The following COG8 variants were observed in gnomAD, a reference collection of about 807,000 sequenced individuals.
COG8 encodes the protein component of oligomeric golgi complex 8, also known as conserved oligomeric Golgi complex subunit 8.
In COG8, 45 loss-of-function variants were observed where a neutral mutation model predicts 46.5. That is an observed-to-expected ratio of 0.97 (90% CI 0.76 to 1.24). The LOEUF is 1.24. Ranked by LOEUF, COG8 falls within the 50% of genes most tolerant of loss-of-function variation. COG8 has a pLI of 0.00. For missense variants in COG8, 793 were observed against 820.8 expected, an observed-to-expected ratio of 0.97 and a Z score of 0.41; for synonymous variants, 407 against 347.8, an observed-to-expected ratio of 1.17 and a Z score of -1.90.
At position 69,334,895 on chromosome 16, in the gene COG8, C is replaced by G. The variant is rs752942688; in HGVS notation, c.1039G>C (p.Gly347Arg). The G allele has an allele frequency of 6.2e-7, 1 of 1,614,184 alleles. No individual in the cohort carries two copies. Among genetic ancestry groups the G allele is most frequent in the Non-Finnish European group, 8.5e-7 (1 of 1,180,046 alleles). Reference protein sequence around the residue: ...GIGGHLDSLLGQCMYFGLSFS... With the variant: ...GIGGHLDSLLRQCMYFGLSFS... ...GACAGCCCAAAGTACATGCACTGGC[C>G]CAGCAGAGAGTCCAGGTGGCCGCCT... Residue 347 changes from glycine to arginine, a missense_variant, in exon 3 of 6, where the codon GGC (glycine) becomes CGC (arginine). Gly to Arg is a moderately radical substitution (Grantham distance 125). Transcript: ENST00000306875.
At chr16:69,329,972 C>T (rs2011646218) in intron 5 of COG8, 1 of 1,510,650 alleles carries the variant, frequency 6.6e-7, no homozygotes, top group African/African-American at 1.4e-5. Flanking sequence ...GCTGCTCCAG[C>T]AGCCCCGGTC....
chr16:69,336,259 A>G (rs1248837524), intron 2 of COG8, among the ~76,000 whole-genome samples: 3 of 152,144 alleles, frequency 2.0e-5, no homozygotes, highest in Non-Finnish European at 2.9e-5. Context: ...CAGACTTCCC[A>G]TTAGCACGTA....
At chr16:69,331,793 G>A (rs1316862732) in intron 4 of COG8, among the ~76,000 whole-genome samples, 1 of 152,050 alleles carries the variant, frequency 6.6e-6, no homozygotes. Context: ...GAGCCACTGC[G>A]CCCAGCCATC....
chr16:69,330,013 C>G, intron 5 of COG8: 1 of 1,539,970 alleles, frequency 6.5e-7, no homozygotes, highest in African/African-American at 1.4e-5. Context: ...TCTGCACCGC[C>G]TGGAAGCGGG....
At position 69,326,542 on chromosome 16, in the gene COG8, T is replaced by C. The variant is rs1338027248; in HGVS notation, c.*2664A>G. 6.6e-6 allele frequency: 1 copy of C among 152,260 alleles called. No homozygotes were observed. The highest frequency in any genetic ancestry group is 1.5e-5 in the Non-Finnish European group (1 of 68,044). 9.4% of individuals were successfully genotyped at this position (152,260 alleles called of 1,614,324 possible). ...ACAAGTCCTAGGGGTTAACAAAGGT[T>C]AGCATGGCTATGGTCCATCCCTGTG... On this transcript the variant is annotated 3_prime_UTR_variant, in exon 6 of 6. Transcript: ENST00000306875.
intron 5 of COG8, chr16:69,330,232 C>A (rs1337454306): frequency 3.4e-6 from 5 of 1,449,930 alleles, no homozygotes; most frequent in African/African-American, 3.0e-5. Flanking sequence ...CCAGCTGCGG[C>A]GCGCTTAGGC....
chr16:69,329,118 G>C lies in COG8; in HGVS notation c.*88C>G. The C allele has an allele frequency of 6.2e-7, 1 of 1,610,490 alleles. No homozygotes were observed. Among genetic ancestry groups the C allele is most frequent in the Non-Finnish European group, 8.5e-7 (1 of 1,179,362 alleles). ...CCTGCAGGTGGTCCATCTCGTGCTGGATGATGCGGGCTGCCCACCCGCTCG... is the reference window on the plus strand; with the variant it reads ...CCTGCAGGTGGTCCATCTCGTGCTGCATGATGCGGGCTGCCCACCCGCTCG... On this transcript the variant is annotated 3_prime_UTR_variant, in exon 6 of 6. Transcript: ENST00000306875.
chr16:69,330,829 G>A lies in COG8; in HGVS notation c.*10C>T. ...CTCACGCACCGCGTTCTGGAGGCAG[G>A]GGACGCCGGCTAGGGCCCCACGCTG... On this transcript the variant is annotated 3_prime_UTR_variant, in exon 5 of 6. Transcript: ENST00000306875. The A allele has an allele frequency of 3.9e-6, 6 of 1,533,286 alleles. No individual in the cohort carries two copies. The highest frequency in any genetic ancestry group is 4.4e-6 in the Non-Finnish European group (5 of 1,143,992). The allele number at this position is 1,533,286 out of a possible 1,614,324, so 95.0% of individuals were successfully genotyped here.
At position 69,330,846 on chromosome 16, in the gene COG8, C is replaced by A. The variant is rs1043920616; in HGVS notation, c.1832G>T (p.Gly611Val). The A allele has an allele frequency of 8.4e-6, 13 of 1,538,888 alleles. No homozygotes were observed. The African/African-American group carries it at 1.6e-4, about 19-fold the overall frequency. ...GGAGGCAGGGGACGCCGGCTAGGGC[C>A]CCACGCTGGGCGGTTCGGCCTGCGT... ...AETQAEPPSV[G>V]P The change falls in exon 5 of 6, where the codon GGG becomes GTG. Residue 611 changes from glycine to valine, a missense_variant. Transcript: ENST00000306875.
chr16:69,332,467 A>G (rs955946929), intron 4 of COG8: 2 of 612,050 alleles, frequency 3.3e-6, no homozygotes, highest in East Asian at 2.7e-5. Context: ...CACATAATGT[A>G]TGATTCCATT....
Position 69,335,151 on chromosome 16 carries a change from G to A in COG8, c.783C>T (p.Ala261=), listed in dbSNP as rs777653089. The change falls in exon 3 of 6, where the codon GCC becomes GCT. Residue 261 remains alanine, a synonymous_variant. Coordinates refer to ENST00000306875, the MANE Select transcript of COG8 (RefSeq NM_032382.5). ...RDAWLRSILT[A]IPNDDPYFHI... ...GGAAATAGGGATCATCATTAGGAATGGCAGTCAGGATGGACCGGAGCCAAG... is the reference window on the plus strand; with the variant it reads ...GGAAATAGGGATCATCATTAGGAATAGCAGTCAGGATGGACCGGAGCCAAG... 5 of 1,614,196 alleles carry A rather than the reference G, an allele frequency of 3.1e-6. No individual in the cohort carries two copies. The highest frequency in any genetic ancestry group is 4.2e-6 in the Non-Finnish European group (5 of 1,180,034).
intron 3 of COG8, 79 bp from the exon 4 acceptor site, chr16:69,332,961 A>G: frequency 7.4e-7 from 1 of 1,344,404 alleles, no homozygotes; most frequent in Non-Finnish European, 1.1e-6. Context: ...AGGCAAAAAA[A>G]TGTATGCCCC....
In COG8 at chr16:69,326,714, A is replaced by C. The variant is rs1323274370; in HGVS notation, c.*2492T>G. ...GCCATCATCGATGTTAAACATGCTG[A>C]CATGTGCAGAGGAGTTTCCTCCCTG... On this transcript the variant is annotated 3_prime_UTR_variant, in exon 6 of 6. Coordinates refer to ENST00000306875, the MANE Select transcript of COG8 (RefSeq NM_032382.5). 1 of 152,234 alleles carries C rather than the reference A, an allele frequency of 6.6e-6. No individual in the cohort carries two copies. Among genetic ancestry groups the C allele is most frequent in the Non-Finnish European group, 1.5e-5 (1 of 68,042 alleles). The allele number at this position is 152,234 out of a possible 1,614,324, so 9.4% of individuals were successfully genotyped here.
intron 5 of COG8, chr16:69,329,964 T>G (rs1183253551): frequency 2.0e-6 from 3 of 1,501,720 alleles, no homozygotes; most frequent in Non-Finnish European, 2.7e-6. Context: ...ACGCGCGCGC[T>G]GCTCCAGCAG....
Position 69,334,774 on chromosome 16 carries a change from ACT to A in COG8, c.1158_1159del (p.Val387GlyfsTer23), listed in dbSNP as rs1360044248. ...GTTCATTTCTTCCTGGAATTTCTCC[ACT>A]GTTTCCTGAATTGCTTTCTGGAAAG... On this transcript the variant is annotated frameshift_variant, in exon 3 of 6. Transcript: ENST00000306875. LOFTEE classifies it high-confidence loss of function. 3.1e-6 allele frequency: 5 copies of A among 1,614,034 alleles called. No individual in the cohort carries two copies. Among genetic ancestry groups the A allele is most frequent in the East Asian group, 2.2e-5 (1 of 44,896 alleles).
Position 69,336,499 on chromosome 16 carries a change from G to C in COG8, c.585+6C>G. On this transcript the variant is annotated splice_donor_region_variant and intron_variant, in intron 2 of 5. Transcript: ENST00000306875. Reference sequence around the variant, plus strand: ...ACTTTGAGTCCTCTCTGGGCAAGGTGGCTACCTGGATGACAGGGATGGAAG... The same window carrying C: ...ACTTTGAGTCCTCTCTGGGCAAGGTCGCTACCTGGATGACAGGGATGGAAG... The C allele has an allele frequency of 6.2e-7, 1 of 1,613,646 alleles. No homozygotes were observed. The highest frequency in any genetic ancestry group is 1.7e-5 in the Admixed American group (1 of 60,018).
rs776707638 is a variant in COG8 at position 69,335,317 on chromosome 16, T to A, written c.617A>T (p.Gln206Leu). ...GIVNEVRQSM[Q>L]LMLSQLIQQL... is the part of the protein sequence containing the mutation. Reference sequence around the variant, plus strand: ...CTGGATCAGCTGGCTCAGCATCAGCTGCATGGACTGGCGCACTTCGTTCAC... The same window carrying A: ...CTGGATCAGCTGGCTCAGCATCAGCAGCATGGACTGGCGCACTTCGTTCAC... The change falls in exon 3 of 6, where the codon CAG becomes CTG. Residue 206 changes from glutamine to leucine, a missense_variant. By Grantham distance (113) the Gln-to-Leu change is moderately radical (BLOSUM62 -2). Transcript: ENST00000306875. 2 of 1,607,732 alleles carry A rather than the reference T, an allele frequency of 1.2e-6. No individual in the cohort carries two copies. Among genetic ancestry groups the A allele is most frequent in the South Asian group, 2.2e-5 (2 of 90,588 alleles).
Position 69,334,763 on chromosome 16 carries a change from G to A in COG8, c.1171C>T (p.Gln391Ter). 2 of 1,614,112 alleles carry A rather than the reference G, an allele frequency of 1.2e-6. No individual in the cohort carries two copies. Among genetic ancestry groups the A allele is most frequent in the Non-Finnish European group, 1.7e-6 (2 of 1,180,042 alleles). Residue 391 changes from glutamine to a stop codon, truncating the protein, a stop_gained, in exon 3 of 6, where the codon CAG becomes TAG. Transcript: ENST00000306875. LOFTEE classifies it high-confidence loss of function. ...AGCATGTAGGAGTTCATTTCTTCCT[G>A]GAATTTCTCCACTGTTTCCTGAATT... Reference protein sequence around the residue: ...KAIQETVEKFQEEMNSYMLIS... With the variant: ...KAIQETVEKF
chr16:69,328,903 C>A lies in COG8; in HGVS notation c.*303G>T. ...TCCAGCTCAGTCTGCCATGCCTTGG[C>A]AATCCAGTTTCCTGTCATATGCGAG... On this transcript the variant is annotated 3_prime_UTR_variant, in exon 6 of 6. Coordinates refer to ENST00000306875, the MANE Select transcript of COG8 (RefSeq NM_032382.5). The A allele has an allele frequency of 7.5e-7, 1 of 1,332,964 alleles. No individual in the cohort carries two copies. The highest frequency in any genetic ancestry group is 1.0e-6 in the Non-Finnish European group (1 of 982,544). 82.6% of individuals were successfully genotyped at this position (1,332,964 alleles called of 1,614,324 possible).
Sources: allele counts gnomAD v4.1 joint callset (sites outside exome capture counted in the v4.1 genomes callset), GRCh38; gene constraint gnomAD v4.1.1; transcripts MANE v1.5; gene names NCBI Gene and HGNC (gene_info 2026-07-23, HGNC 2026-07-21).